The following RAB10 variants were observed in gnomAD, a reference collection of about 807,000 sequenced individuals.
The protein encoded by RAB10 is ras-related protein Rab-10.
Under a neutral mutation model 25.7 loss-of-function variants are expected in RAB10, and 5 were observed. The observed-to-expected ratio is 0.19, with a 90% CI of 0.10 to 0.41. RAB10 has a LOEUF of 0.41. RAB10 is among the 10% of genes least tolerant of loss of function. The pLI is 1.00. For missense variants in RAB10, 103 were observed against 245.8 expected (o/e 0.42, Z 3.89); for synonymous variants, 89 against 86.4 (o/e 1.03, Z -0.16).
chr2:26,119,535 T>C (rs192034973), intron 3 of RAB10, among the ~76,000 whole-genome samples: 4 of 152,312 alleles, frequency 2.6e-5, no homozygotes, highest in Non-Finnish European at 4.4e-5. Context: ...TTTTTTTTTT[T>C]TCTTTTTAAA....
intron 1 of RAB10, among the ~76,000 whole-genome samples, chr2:26,091,107 T>A (rs1667098100): frequency 6.6e-6 from 1 of 152,164 alleles, no homozygotes; most frequent in African/African-American, 2.4e-5. Flanking sequence ...AAAACATCAT[T>A]TATCTGTTTA....
chr2:26,095,529 C>A (rs1226820790), intron 1 of RAB10, among the ~76,000 whole-genome samples: 1 of 152,064 alleles, frequency 6.6e-6, no homozygotes, highest in Non-Finnish European at 1.5e-5. Flanking sequence ...ATGGCATGAA[C>A]CCGGGAGGCG....
At chr2:26,116,548 GTTTTTTTTTTTTTTTT>G (rs70950170) in intron 3 of RAB10, among the ~76,000 whole-genome samples, 1 of 62,636 alleles carries the variant, frequency 1.6e-5, no homozygotes, top group African/African-American at 6.1e-5. Context: ...TCTGTCTTGT[GTTTTTTTTTTTTTTTT>G]TTTTTTTTTT....
chr2:26,075,915 G>A (rs141172967), intron 1 of RAB10, among the ~76,000 whole-genome samples: 18 of 152,212 alleles, frequency 1.2e-4, no homozygotes, highest in African/African-American at 4.1e-4. Flanking sequence ...ATTGAGAATA[G>A]AGTTGCTGAC....
At chr2:26,033,854 G>A (rs1344346441), upstream of RAB10, among the ~76,000 whole-genome samples, 2 of 152,208 alleles carry the variant, frequency 1.3e-5, no homozygotes, top group East Asian at 3.9e-4. Context: ...CCCCCGGGGC[G>A]TGCTCGTAAC....
rs1666162667 is a variant in RAB10 at position 26,052,613 on chromosome 2, C to T, written c.127+17878C>T. ...GGGGAGGAGAATGTAAGCTTGACTG[C>T]CTGCTTTCTTGAATCTGAGCAGCTA... On this transcript the variant is annotated intron_variant, in intron 1 of 5. Transcript: ENST00000264710. Among the ~76,000 whole-genome samples, 3 of 152,062 alleles carry T rather than the reference C, an allele frequency of 2.0e-5. No individual in the cohort carries two copies. In the South Asian group the frequency reaches 6.2e-4, roughly 32 times the overall value.
At chr2:26,039,400 T>C (rs1182655455) in intron 1 of RAB10, among the ~76,000 whole-genome samples, 1 of 151,574 alleles carries the variant, frequency 6.6e-6, no homozygotes, top group African/African-American at 2.4e-5. Flanking sequence ...GGCTGGAGTG[T>C]AGTGGCGCGA....
chr2:26,133,827 C>A (rs996679585), intron 5 of RAB10, among the ~76,000 whole-genome samples: 4 of 152,008 alleles, frequency 2.6e-5, no homozygotes, highest in African/African-American at 9.7e-5. Context: ...ACGTGCAACA[C>A]CACACCCAGC....
At chr2:26,035,145 A>G (rs570174240) in intron 1 of RAB10, among the ~76,000 whole-genome samples, 2 of 152,348 alleles carry the variant, frequency 1.3e-5, no homozygotes, top group South Asian at 4.1e-4. Flanking sequence ...ACTTTGGGGC[A>G]AAGAAAAGAT....
chr2:26,112,993 A>T (rs998094845), intron 3 of RAB10, among the ~76,000 whole-genome samples: 5 of 152,186 alleles, frequency 3.3e-5, no homozygotes, highest in African/African-American at 9.6e-5. Context: ...AAGGCAGGAG[A>T]ATCACTTGAA....
intron 5 of RAB10, among the ~76,000 whole-genome samples, chr2:26,134,717 C>A (rs555701920): frequency 6.6e-6 from 1 of 152,222 alleles, no homozygotes; most frequent in Non-Finnish European, 1.5e-5. Flanking sequence ...TAAAGGCATG[C>A]CAGGAAATGT....
chr2:26,064,564 CAA>C (rs1454955228), intron 1 of RAB10, among the ~76,000 whole-genome samples: 2 of 152,016 alleles, frequency 1.3e-5, no homozygotes, highest in Non-Finnish European at 2.9e-5. Flanking sequence ...AGGGTGGTCT[CAA>C]ACTCCTGAGC....
At chr2:26,087,419 T>C (rs541263446) in intron 1 of RAB10, among the ~76,000 whole-genome samples, 2 of 152,324 alleles carry the variant, frequency 1.3e-5, no homozygotes, top group African/African-American at 4.8e-5. Flanking sequence ...TTACTATTAT[T>C]ATGACGAATT....
intron 5 of RAB10, among the ~76,000 whole-genome samples, chr2:26,133,833 C>T (rs1052386865): frequency 3.3e-5 from 5 of 151,976 alleles, no homozygotes; most frequent in African/African-American, 1.2e-4. Context: ...AACACCACAC[C>T]CAGCTAGTTT....
chr2:26,039,015 CTTTTTT>C, intron 1 of RAB10, among the ~76,000 whole-genome samples: 1 of 108,928 alleles, frequency 9.2e-6, no homozygotes, highest in Non-Finnish European at 1.8e-5. Flanking sequence ...TTAATAGCCA[CTTTTTT>C]TTTTTTTTTT....
chr2:26,062,341 T>C (rs916683417), intron 1 of RAB10, among the ~76,000 whole-genome samples: 4 of 152,160 alleles, frequency 2.6e-5, no homozygotes, highest in African/African-American at 9.7e-5. Context: ...GATGCTTTTA[T>C]TTGGAAGTGA....
At chr2:26,060,073 A>C (rs1324379741) in intron 1 of RAB10, among the ~76,000 whole-genome samples, 1 of 152,200 alleles carries the variant, frequency 6.6e-6, no homozygotes, top group African/African-American at 2.4e-5. Context: ...TTATAATGCC[A>C]GTCTTTTAAA....
At chr2:26,048,101 A>G (rs1372754382) in intron 1 of RAB10, among the ~76,000 whole-genome samples, 1 of 150,138 alleles carries the variant, frequency 6.7e-6, no homozygotes, top group Non-Finnish European at 1.5e-5. Context: ...AGTTTGTTTA[A>G]TCTTTACCCA....
At chr2:26,096,712 T>C (rs914326896) in intron 1 of RAB10, among the ~76,000 whole-genome samples, 1 of 152,228 alleles carries the variant, frequency 6.6e-6, no homozygotes, top group Non-Finnish European at 1.5e-5. Context: ...TATTTCCTAA[T>C]GTGAACTATG....
Sources: allele counts gnomAD v4.1 joint callset (sites outside exome capture counted in the v4.1 genomes callset), GRCh38; gene constraint gnomAD v4.1.1; transcripts MANE v1.5; gene names NCBI Gene and HGNC (gene_info 2026-07-23, HGNC 2026-07-21).